Variants in CACNB2 observed in about 807,000 individuals in gnomAD.
The protein encoded by CACNB2 is voltage-dependent L-type calcium channel subunit beta-2.
A neutral mutation model predicts 73.3 loss-of-function variants in CACNB2; 42 were observed. The ratio of observed to expected loss-of-function variants is 0.57; its 90% CI spans 0.45 to 0.74. CACNB2 has a LOEUF of 0.74. Ranked by LOEUF, CACNB2 falls within the 30% of genes least tolerant of loss-of-function variation. The probability of loss-of-function intolerance (pLI) is 0.00; values close to 1 mark genes in which losing one functional copy is unlikely to be tolerated. For synonymous variants in CACNB2, 348 were observed against 310.3 expected (o/e 1.12, Z -1.28); for missense variants, 940 against 853.0 (o/e 1.10, Z -1.27).
In CACNB2 at chr10:18,401,942, A is replaced by G. The variant is rs1564508873; in HGVS notation, c.232A>G (p.Thr78Ala). 6.2e-7 allele frequency: 1 copy of G among 1,613,956 alleles called. No individual in the cohort carries two copies. The highest frequency in any genetic ancestry group is 1.7e-5 in the Admixed American group (1 of 60,008). The change falls in exon 3 of 14, where the codon ACT (threonine) becomes GCT (alanine). Residue 78 changes from threonine to alanine, a missense_variant. Transcript: ENST00000324631. The part of the protein sequence containing the change: ...FVRQGSADSY[T>A]SRPSDSDVSL... ...TCTCCAGGGTTCGGCAGACTCCTAC[A>G]CTAGCCGTCCATCCGATTCCGATGT...
chr10:18,298,525 A>C (rs2039372025), intron 2 of CACNB2, among the ~76,000 whole-genome samples: 2 of 152,380 alleles, frequency 1.3e-5, no homozygotes, highest in South Asian at 4.1e-4. Flanking sequence ...TGGGAGAACC[A>C]GTTGTGAATC....
At position 18,539,740 on chromosome 10, in the gene CACNB2, GTT is replaced by G. The variant is rs34022725; in HGVS notation, c.*34_*35del. Reference sequence around the variant, plus strand: ...CCGCCAATGAGTTTTGCCCGTTTGTGTTTTTTTTTTTTTTTTTTTGAAGTCTT... The same window carrying G: ...CCGCCAATGAGTTTTGCCCGTTTGTGTTTTTTTTTTTTTTTTTGAAGTCTT... On this transcript the variant is annotated 3_prime_UTR_variant, in exon 14 of 14. Coordinates refer to ENST00000324631, the MANE Select transcript of CACNB2 (RefSeq NM_201596.3). The G allele has an allele frequency of 0.19, 261,298 of 1,397,002 alleles. 4,031 individuals carry two copies. The highest frequency in any genetic ancestry group is 0.26 in the East Asian group (10,332 of 39,106). The allele number at this position is 1,397,002 out of a possible 1,614,324, so 86.5% of individuals were successfully genotyped here. A position where few individuals can be genotyped will look rare whatever the true frequency, so the allele number is the denominator to read the frequency against.
chr10:18,239,702 T>G (rs1200694105), intron 2 of CACNB2, among the ~76,000 whole-genome samples: 14 of 152,216 alleles, frequency 9.2e-5, no homozygotes, highest in Admixed American at 9.2e-4. Context: ...AGTACAATTA[T>G]ATTAATTAAG....
chr10:18,430,471 A>AT (rs1295411772), intron 3 of CACNB2, among the ~76,000 whole-genome samples: 3 of 152,218 alleles, frequency 2.0e-5, no homozygotes, highest in Admixed American at 6.5e-5. Flanking sequence ...AAAAAAAAAA[A>AT]ATTAATTAAT....
At chr10:18,371,959 ATG>A (rs2042603352) in intron 2 of CACNB2, among the ~76,000 whole-genome samples, 3 of 152,162 alleles carry the variant, frequency 2.0e-5, no homozygotes, top group African/African-American at 7.2e-5. Context: ...GCCAGTGATG[ATG>A]AGCATTTTTT....
chr10:18,244,296 A>G (rs944994839), intron 2 of CACNB2, among the ~76,000 whole-genome samples: 7 of 152,250 alleles, frequency 4.6e-5, no homozygotes, highest in Non-Finnish European at 1.0e-4. Context: ...GAGTAAGATC[A>G]TTGAATTTAG....
intron 3 of CACNB2, among the ~76,000 whole-genome samples, chr10:18,430,415 C>G (rs987958541): frequency 4.0e-5 from 6 of 151,854 alleles, no homozygotes; most frequent in Non-Finnish European, 8.8e-5. Flanking sequence ...AGGTTAACTT[C>G]TAAAGTTATC....
At chr10:18,342,343 C>T (rs372122076) in intron 2 of CACNB2, among the ~76,000 whole-genome samples, 5 of 152,060 alleles carry the variant, frequency 3.3e-5, no homozygotes, top group African/African-American at 4.8e-5. Flanking sequence ...TAAATAGTCA[C>T]GAGGCCAGGT....
chr10:18,172,347 C>G (rs1368352880), intron 2 of CACNB2, among the ~76,000 whole-genome samples: 5 of 152,114 alleles, frequency 3.3e-5, no homozygotes, highest in African/African-American at 4.8e-5. Context: ...CTGGGCGACA[C>G]AGCAAGACTC....
At chr10:18,335,820 C>T (rs1003208616) in intron 2 of CACNB2, among the ~76,000 whole-genome samples, 3 of 145,142 alleles carry the variant, frequency 2.1e-5, no homozygotes, top group South Asian at 2.1e-4. Context: ...CACACACACA[C>T]ACACATACAC....
chr10:18,215,900 C>T (rs16917005), intron 2 of CACNB2, among the ~76,000 whole-genome samples: 14 of 151,996 alleles, frequency 9.2e-5, no homozygotes, highest in Non-Finnish European at 1.8e-4. Context: ...TTACTGAGAT[C>T]GGGTCTAGAT....
At chr10:18,337,155 G>C (rs1206445193) in intron 2 of CACNB2, among the ~76,000 whole-genome samples, 1 of 151,624 alleles carries the variant, frequency 6.6e-6, no homozygotes, top group African/African-American at 2.4e-5. Flanking sequence ...TGTAGACAGG[G>C]TCTCACTCTT....
chr10:18,497,844 C>T (rs1247620886), intron 3 of CACNB2, among the ~76,000 whole-genome samples: 1 of 152,174 alleles, frequency 6.6e-6, no homozygotes, highest in African/African-American at 2.4e-5. Context: ...TTTCATAATT[C>T]GTTGCAGCCA....
intron 3 of CACNB2, among the ~76,000 whole-genome samples, chr10:18,438,147 A>C (rs2046235959): frequency 7.0e-6 from 1 of 141,852 alleles, no homozygotes; most frequent in Non-Finnish European, 1.5e-5. Flanking sequence ...CCTCCTGAGT[A>C]GCTGGGACTA....
chr10:18,388,078 C>A (rs1197355566), intron 2 of CACNB2, among the ~76,000 whole-genome samples: 2 of 152,108 alleles, frequency 1.3e-5, no homozygotes, highest in African/African-American at 4.8e-5. Context: ...TCATCCTTAC[C>A]AAAATGTATT....
intron 2 of CACNB2, among the ~76,000 whole-genome samples, chr10:18,295,998 GTTTTTTTTTT>G (rs34043231): frequency 3.3e-5 from 2 of 60,758 alleles, no homozygotes; most frequent in Admixed American, 2.3e-4. Flanking sequence ...CTTTTTGCGT[GTTTTTTTTTT>G]TTTTTTTTTT....
intron 7 of CACNB2, 73 bp from the exon 8 acceptor site, chr10:18,518,263 G>A: frequency 1.0e-6 from 1 of 998,650 alleles, no homozygotes; most frequent in Admixed American, 1.7e-5. Flanking sequence ...AGTTCAGAAA[G>A]AGTACCTTAT....
At chr10:18,227,835 T>A (rs1487199724) in intron 2 of CACNB2, among the ~76,000 whole-genome samples, 1 of 152,182 alleles carries the variant, frequency 6.6e-6, no homozygotes, top group Non-Finnish European at 1.5e-5. Context: ...AAAGTAGGAA[T>A]CAAAAGGCAT....
intron 3 of CACNB2, among the ~76,000 whole-genome samples, chr10:18,495,854 C>T (rs1468184745): frequency 6.6e-6 from 1 of 151,946 alleles, no homozygotes; most frequent in African/African-American, 2.4e-5. Context: ...ACATCATACT[C>T]TCAAGGATTG....
Sources: allele counts gnomAD v4.1 joint callset (sites outside exome capture counted in the v4.1 genomes callset), GRCh38; gene constraint gnomAD v4.1.1; transcripts MANE v1.5; gene names NCBI Gene and HGNC (gene_info 2026-07-23, HGNC 2026-07-21).